ZNF273: variants seen among roughly 807,000 people sequenced by gnomAD.
ZNF273 encodes the protein zinc finger protein 9.
In ZNF273, 11 loss-of-function variants were observed where a neutral mutation model predicts 14.9. That is an observed-to-expected ratio of 0.74 (90% CI 0.46 to 1.22). ZNF273 has a LOEUF of 1.22. Ranked by LOEUF, ZNF273 falls within the 50% of genes most tolerant of loss-of-function variation. The pLI, the probability that ZNF273 is intolerant of heterozygous loss-of-function variation, is 0.00. For synonymous variants in ZNF273, 199 were observed against 223.9 expected, an observed-to-expected ratio of 0.89 and a Z score of 0.99; for missense variants, 577 against 660.6, an observed-to-expected ratio of 0.87 and a Z score of 1.39.
chr7:64,896,999 A>C (rs1480512513), intron 3 of ZNF273, among the ~76,000 whole-genome samples: 1 of 152,214 alleles, frequency 6.6e-6, no homozygotes, highest in Non-Finnish European at 1.5e-5. Flanking sequence ...TATTTGCAAC[A>C]ACATCAATGA....
intron 1 of ZNF273, among the ~76,000 whole-genome samples, chr7:64,886,282 A>G (rs1469880928): frequency 6.6e-6 from 1 of 152,132 alleles, no homozygotes; most frequent in African/African-American, 2.4e-5. Flanking sequence ...TGACCCCGGG[A>G]AGGTTACTTC....
chr7:64,915,117 T>C (rs1000480825), intron 1 of ZNF273, among the ~76,000 whole-genome samples: 2 of 152,184 alleles, frequency 1.3e-5, no homozygotes, highest in African/African-American at 4.8e-5. Context: ...ACTTCTTTCC[T>C]ATATACCAGA....
At chr7:64,903,444 CGA>C (rs1562955639) in intron 1 of ZNF273, 25 bp downstream of exon 1, 29 of 1,594,454 alleles carry the variant, frequency 1.8e-5, no homozygotes, top group Non-Finnish European at 2.5e-5. Flanking sequence ...TCCCAGATCC[CGA>C]GAGAGGGGGA....
chr7:64,913,278 C>T (rs992264672), intron 1 of ZNF273, among the ~76,000 whole-genome samples: 1 of 152,026 alleles, frequency 6.6e-6, no homozygotes, highest in African/African-American at 2.4e-5. Flanking sequence ...TGTTTTTATT[C>T]TATGCATTTT....
chr7:64,928,951 A>G lies in ZNF273; in HGVS notation c.1623A>G (p.Pro541=). The G allele has an allele frequency of 6.2e-7, 1 of 1,610,914 alleles. No individual in the cohort carries two copies. ...RHKKIHTGEK[P]YKPKRCDSAF... is the part of the protein sequence containing the mutation. ...AGAAAATTCATACTGGAGAGAAACC[A>G]TACAAACCTAAAAGATGTGACAGTG... The change falls in exon 4 of 4, where the codon CCA becomes CCG. Residue 541 remains proline, a synonymous_variant. Coordinates refer to ENST00000476120, the MANE Select transcript of ZNF273 (RefSeq NM_021148.3).
At chr7:64,897,483 C>T (rs1480977456) in exon 4 of ZNF273, 1 of 151,866 alleles carries the variant, frequency 6.6e-6, no homozygotes, top group African/African-American at 2.4e-5. Context: ...CCCGCCACCA[C>T]ACCCAGCTAA....
At chr7:64,921,559 A>G (rs1230086446) in intron 3 of ZNF273, among the ~76,000 whole-genome samples, 1 of 137,396 alleles carries the variant, frequency 7.3e-6, no homozygotes, top group Admixed American at 7.7e-5. Context: ...TGGTAAATTG[A>G]CCTATTTTAC....
chr7:64,877,714 C>G (rs1334474696), exon 1 of ZNF273: 4 of 152,328 alleles, frequency 2.6e-5, no homozygotes, highest in African/African-American at 9.6e-5. Flanking sequence ...GGGATAGTCC[C>G]GCGATCCTAG....
downstream of ZNF273, among the ~76,000 whole-genome samples, chr7:64,880,619 G>A (rs1036942093): frequency 1.3e-5 from 2 of 152,018 alleles, no homozygotes; most frequent in Admixed American, 6.5e-5. Flanking sequence ...CTCTCTGTGC[G>A]AAAGGGCTTG....
downstream of ZNF273, chr7:64,889,817 G>T (rs974903628): frequency 3.1e-6 from 3 of 957,886 alleles, no homozygotes; most frequent in South Asian, 4.8e-5. This position sits in a 1 kb window ranked among gnomAD's most constrained non-coding sequence, Gnocchi z 4.2. Context: ...AAACCTGAGG[G>T]TTAAATTCGG....
chr7:64,935,416 T>C (rs1167551786), downstream of ZNF273, among the ~76,000 whole-genome samples: 1 of 152,176 alleles, frequency 6.6e-6, no homozygotes, highest in African/African-American at 2.4e-5. Flanking sequence ...GTATATCTGG[T>C]GTATATTGGC....
chr7:64,914,658 G>A (rs1793825488), intron 1 of ZNF273, among the ~76,000 whole-genome samples: 1 of 152,174 alleles, frequency 6.6e-6, no homozygotes. Context: ...GAGGGCACCT[G>A]AGGATAGATA....
downstream of ZNF273, among the ~76,000 whole-genome samples, chr7:64,883,214 A>ACC (rs57594044): frequency 0.13 from 15,510 of 120,576 alleles, 1,327 homozygotes; most frequent in African/African-American, 0.18. Context: ...CCAAATCACC[A>ACC]CCCCCCCCTC....
chr7:64,917,880 C>A (rs547992984), intron 2 of ZNF273, among the ~76,000 whole-genome samples, 173 bp downstream of exon 2: 2 of 152,196 alleles, frequency 1.3e-5, no homozygotes, highest in East Asian at 3.9e-4. Context: ...TTGACTTGAA[C>A]TTTCCACGTT....
intron 1 of ZNF273, among the ~76,000 whole-genome samples, chr7:64,914,725 G>A (rs1793829975): frequency 6.6e-6 from 1 of 152,072 alleles, no homozygotes. Context: ...AATCTTTGCT[G>A]TTATAAAGAA....
downstream of ZNF273, among the ~76,000 whole-genome samples, chr7:64,883,346 C>T (rs1791375957): frequency 6.6e-6 from 1 of 152,046 alleles, no homozygotes; most frequent in Non-Finnish European, 1.5e-5. Context: ...GTGCGCAGGG[C>T]TCCTTGAATC....
At chr7:64,934,655 C>T (rs1795046598), downstream of ZNF273, among the ~76,000 whole-genome samples, 1 of 152,060 alleles carries the variant, frequency 6.6e-6, no homozygotes. Context: ...CTTTACTGCT[C>T]CACTGGCATA....
chr7:64,896,388 A>G (rs557436046), intron 3 of ZNF273, among the ~76,000 whole-genome samples: 2 of 152,328 alleles, frequency 1.3e-5, no homozygotes, highest in South Asian at 4.1e-4. Flanking sequence ...TTAAAACTCA[A>G]CCTAAATTCA....
chr7:64,928,768 T>A lies in ZNF273; in HGVS notation c.1440T>A (p.His480Gln). Residue 480 changes from histidine to glutamine, a missense_variant, in exon 4 of 4, where the codon CAT becomes CAA. His to Gln is a conservative substitution (Grantham distance 24). Around this residue, in one of 3 missense-constraint regions of ZNF273, gnomAD observed 411 missense variants for 440.4 expected, o/e 0.93. Transcript: ENST00000476120. ...CCCTTACTGAACATAAGAGAGTTCATACTGGAGAGAAACCTTACAAATGCA... is the reference window on the plus strand; with the variant it reads ...CCCTTACTGAACATAAGAGAGTTCAAACTGGAGAGAAACCTTACAAATGCA... Reference protein sequence around the residue: ...FSTLTEHKRVHTGEKPYKCNE... With the variant: ...FSTLTEHKRVQTGEKPYKCNE... 1 of 1,613,572 alleles carries A rather than the reference T, an allele frequency of 6.2e-7. No homozygotes were observed. The highest frequency in any genetic ancestry group is 1.1e-5 in the South Asian group (1 of 91,070).
Sources: gnomAD v4.1 joint callset for allele counts (sites outside exome capture counted in the v4.1 genomes callset) on GRCh38, gnomAD v4.1.1 for gene constraint, gnomAD v4.1.1 regional missense constraint, Gnocchi (gnomAD v3.1) non-coding constraint, MANE v1.5 for transcripts, NCBI Gene and HGNC (gene_info 2026-07-23, HGNC 2026-07-21) for gene names.